MACROD2: variants seen among roughly 807,000 people sequenced by gnomAD.
MACROD2 encodes ADP-ribose glycohydrolase MACROD2.
A neutral mutation model predicts 70.4 loss-of-function variants in MACROD2; 36 were observed. The ratio of observed to expected loss-of-function variants is 0.51; its 90% CI spans 0.39 to 0.68. The LOEUF (loss-of-function observed/expected upper bound fraction) is 0.68. Ranked by LOEUF, MACROD2 falls within the 30% of genes least tolerant of loss-of-function variation. The probability of loss-of-function intolerance (pLI) is 0.00; values close to 1 mark genes in which losing one functional copy is unlikely to be tolerated. For synonymous variants in MACROD2, 172 were observed against 178.8 expected, an observed-to-expected ratio of 0.96 and a Z score of 0.30; for missense variants, 496 against 538.4, an observed-to-expected ratio of 0.92 and a Z score of 0.78.
At chr20:14,000,210 C>G (rs2052714699) in intron 1 of MACROD2, among the ~76,000 whole-genome samples, 1 of 152,156 alleles carries the variant, frequency 6.6e-6, no homozygotes, top group South Asian at 2.1e-4. Flanking sequence ...TCTAAAGTCT[C>G]TAGGCTAGAC....
intron 3 of MACROD2, among the ~76,000 whole-genome samples, chr20:14,114,423 A>G (rs1364486035): frequency 6.6e-6 from 1 of 152,166 alleles, no homozygotes; most frequent in Non-Finnish European, 1.5e-5. Context: ...GTAAAAAATG[A>G]CAACAAAAGA....
chr20:15,364,333 A>T (rs2146250777), intron 6 of MACROD2, among the ~76,000 whole-genome samples: 1 of 152,286 alleles, frequency 6.6e-6, no homozygotes, highest in South Asian at 2.1e-4. Flanking sequence ...GTTTACTACA[A>T]AGTAGCTCCT....
chr20:15,926,047 G>A (rs2065484848), intron 10 of MACROD2, among the ~76,000 whole-genome samples: 1 of 152,202 alleles, frequency 6.6e-6, no homozygotes, highest in Non-Finnish European at 1.5e-5. Context: ...AAGGCTGTAA[G>A]TCATTAGTCT....
At chr20:15,881,110 G>A (rs1369019211) in intron 9 of MACROD2, among the ~76,000 whole-genome samples, 1 of 152,048 alleles carries the variant, frequency 6.6e-6, no homozygotes, top group African/African-American at 2.4e-5. Flanking sequence ...TTCGTAATGG[G>A]TACACAAGGT....
Position 15,797,174 on chromosome 20 carries a change from C to T in MACROD2, c.646-65571C>T, listed in dbSNP as rs909730165. On this transcript the variant is annotated intron_variant, in intron 8 of 17. Coordinates refer to ENST00000684519, the MANE Select transcript of MACROD2 (RefSeq NM_001351661.2). ...TGTTGCCCAGGCTGGAGTGCAGTGG[C>T]GTGATCTCGGCTCACTGCAAGCTCC... is the stretch of plus-strand genomic sequence containing the variant. Among the ~76,000 whole-genome samples the T allele has an allele frequency of 3.9e-5, 6 of 152,150 alleles. No homozygotes were observed. In the East Asian group the frequency reaches 1.2e-3, roughly 29 times the overall value.
intron 5 of MACROD2, among the ~76,000 whole-genome samples, chr20:15,021,139 T>C (rs2075170607): frequency 7.6e-6 from 1 of 130,830 alleles, no homozygotes; most frequent in Non-Finnish European, 1.7e-5. Context: ...TACACATACG[T>C]GTGTGTATAC....
intron 5 of MACROD2, among the ~76,000 whole-genome samples, chr20:15,185,296 A>G (rs1440423765): frequency 6.6e-6 from 1 of 152,206 alleles, no homozygotes; most frequent in Non-Finnish European, 1.5e-5. Context: ...CTTTTGGTAC[A>G]TGAGATAATA....
chr20:15,162,112 T>C (rs1192544971), intron 5 of MACROD2, among the ~76,000 whole-genome samples: 2 of 152,076 alleles, frequency 1.3e-5, no homozygotes, highest in African/African-American at 4.8e-5. Flanking sequence ...GTCTTACAGC[T>C]GAAAACTACC....
chr20:14,850,139 T>G (rs1226100036), intron 5 of MACROD2: 1 of 357,274 alleles, frequency 2.8e-6, no homozygotes, highest in Non-Finnish European at 5.5e-6. Flanking sequence ...TTGGGGGTCA[T>G]CTAGGACACT....
Position 16,035,186 on chromosome 20 carries a change from TATATAAA to T in MACROD2, c.1154-6008_1154-6002del, listed in dbSNP as rs1287511540. Among the ~76,000 whole-genome samples, 237 of 121,140 alleles carry T rather than the reference TATATAAA, an allele frequency of 2.0e-3. 15 individuals are homozygous for T. The highest frequency in any genetic ancestry group is 0.016 in the East Asian group (71 of 4,446). 79.5% of individuals were successfully genotyped at this position (121,140 alleles called of 152,430 possible). ...ATAAAATATAAAATATTATATATTA[TATATAAA>T]ATATAATATAAAATATTATATATTA... On this transcript the variant is annotated intron_variant, in intron 15 of 17. Coordinates refer to ENST00000684519, the MANE Select transcript of MACROD2 (RefSeq NM_001351661.2).
intron 5 of MACROD2, among the ~76,000 whole-genome samples, chr20:14,975,893 C>T (rs1009348307): frequency 4.6e-5 from 7 of 152,072 alleles, no homozygotes; most frequent in Admixed American, 2.6e-4. Flanking sequence ...TGAAAGTAAG[C>T]GAAGTTATGG....
chr20:14,229,432 T>A (rs1374584871), intron 3 of MACROD2, among the ~76,000 whole-genome samples: 2 of 152,176 alleles, frequency 1.3e-5, no homozygotes, highest in African/African-American at 4.8e-5. Flanking sequence ...GATACTTCAC[T>A]AAATAAGATG....
chr20:14,097,111 G>A (rs1467320216), intron 3 of MACROD2, among the ~76,000 whole-genome samples: 3 of 152,174 alleles, frequency 2.0e-5, no homozygotes, highest in Non-Finnish European at 1.5e-5. Flanking sequence ...ATGGGTAGTA[G>A]GTGTGTACTG....
intron 3 of MACROD2, among the ~76,000 whole-genome samples, chr20:14,189,943 A>C (rs780671586): frequency 3.3e-5 from 5 of 152,218 alleles, no homozygotes; most frequent in African/African-American, 4.8e-5. Flanking sequence ...GAAATTGAAC[A>C]TGTGACTGTT....
intron 5 of MACROD2, among the ~76,000 whole-genome samples, chr20:14,862,670 TATATATAA>T (rs2073381430): frequency 3.9e-5 from 2 of 51,772 alleles, no homozygotes; most frequent in African/African-American, 1.4e-4. Context: ...TATATATAAA[TATATATAA>T]ATATATATAT....
intron 8 of MACROD2, among the ~76,000 whole-genome samples, chr20:15,578,700 T>C (rs1370584171): frequency 7.8e-5 from 2 of 25,694 alleles, no homozygotes; most frequent in African/African-American, 1.0e-4. Context: ...TCGATAATAT[T>C]ATTTTCCTGA....
intron 2 of MACROD2, among the ~76,000 whole-genome samples, chr20:14,037,205 A>T: frequency 6.6e-6 from 1 of 152,206 alleles, no homozygotes; most frequent in East Asian, 1.9e-4. Context: ...CTTCCAAAAT[A>T]TGGACAAATC....
intron 6 of MACROD2, among the ~76,000 whole-genome samples, chr20:15,392,288 T>C (rs950998510): frequency 1.3e-5 from 2 of 152,180 alleles, no homozygotes; most frequent in African/African-American, 4.8e-5. Context: ...TTATCCACCA[T>C]CATTGACTTT....
intron 5 of MACROD2, among the ~76,000 whole-genome samples, chr20:14,847,496 T>G (rs2073156039): frequency 6.6e-6 from 1 of 151,116 alleles, no homozygotes; most frequent in Non-Finnish European, 1.5e-5. Context: ...TTTTTTTTTT[T>G]TTTTTTTTTG....
Sources: gnomAD v4.1 joint callset for allele counts (sites outside exome capture counted in the v4.1 genomes callset) on GRCh38, gnomAD v4.1.1 for gene constraint, MANE v1.5 for transcripts, NCBI Gene and HGNC (gene_info 2026-07-23, HGNC 2026-07-21) for gene names.